Variants in FAT3 observed in about 807,000 individuals in gnomAD.
The protein encoded by FAT3 is protocadherin Fat 3.
In FAT3, 95 loss-of-function variants were observed where a neutral mutation model predicts 310.2. The observed-to-expected ratio is 0.31, with a 90% CI of 0.26 to 0.36. The LOEUF is 0.36. FAT3 is among the 10% of genes least tolerant of loss of function. The probability of loss-of-function intolerance (pLI) is 1.00; values close to 1 mark genes in which losing one functional copy is unlikely to be tolerated. For synonymous variants in FAT3, 2,314 were observed against 2,192.9 expected, an observed-to-expected ratio of 1.06 and a Z score of -1.54; for missense variants, 5,408 against 5,715.6, an observed-to-expected ratio of 0.95 and a Z score of 1.74.
intron 1 of FAT3, among the ~76,000 whole-genome samples, chr11:92,270,342 T>G (rs941481541): frequency 6.6e-6 from 1 of 152,024 alleles, no homozygotes; most frequent in African/African-American, 2.4e-5. Flanking sequence ...GTCAACATTG[T>G]TCTCTCCCAC....
intron 6 of FAT3, among the ~76,000 whole-genome samples, chr11:92,770,601 A>G (rs181825236): frequency 3.1e-4 from 47 of 152,310 alleles, no homozygotes; most frequent in African/African-American, 1.1e-3. Context: ...GAAGCTGCTC[A>G]CATAACACCT....
chr11:92,699,508 T>C (rs1944033706), intron 4 of FAT3, among the ~76,000 whole-genome samples: 2 of 152,322 alleles, frequency 1.3e-5, no homozygotes, highest in South Asian at 4.1e-4. Context: ...AAAAATTTTT[T>C]AAATGCTTGG....
chr11:92,761,767 T>C, intron 4 of FAT3, 89 bp from the exon 5 acceptor site: 1 of 1,171,274 alleles, frequency 8.5e-7, no homozygotes, highest in Non-Finnish European at 1.2e-6. Context: ...GATAGCATTG[T>C]CCGTGCATTA....
intron 1 of FAT3, among the ~76,000 whole-genome samples, chr11:92,342,195 A>G (rs924987837): frequency 2.0e-5 from 3 of 152,144 alleles, no homozygotes; most frequent in African/African-American, 7.2e-5. Flanking sequence ...ATGTCTTATC[A>G]TTTGTTACAT....
chr11:92,268,896 G>T (rs963909825), intron 1 of FAT3, among the ~76,000 whole-genome samples: 1 of 152,002 alleles, frequency 6.6e-6, no homozygotes, highest in Non-Finnish European at 1.5e-5. Flanking sequence ...GATTTTTGTT[G>T]CAGTAAAGGG....
At chr11:92,704,493 TG>T (rs753642204) in intron 4 of FAT3, among the ~76,000 whole-genome samples, 10 of 152,198 alleles carry the variant, frequency 6.6e-5, no homozygotes, top group Admixed American at 5.2e-4. Flanking sequence ...TGACTGGATT[TG>T]GAAAGAAGAG....
intron 3 of FAT3, among the ~76,000 whole-genome samples, chr11:92,632,286 A>T (rs959259793): frequency 1.4e-5 from 2 of 145,956 alleles, no homozygotes; most frequent in Admixed American, 6.9e-5. Flanking sequence ...GCAGGAAAAT[A>T]TAAAAATCTA....
At chr11:92,374,881 A>G (rs746929737) in intron 2 of FAT3, among the ~76,000 whole-genome samples, 1 of 151,894 alleles carries the variant, frequency 6.6e-6, no homozygotes, top group Non-Finnish European at 1.5e-5. Context: ...ATCCTTAAAC[A>G]TGACTTAAAA....
chr11:92,820,299 T>C (rs568971729), intron 13 of FAT3, among the ~76,000 whole-genome samples: 1 of 152,284 alleles, frequency 6.6e-6, no homozygotes, highest in African/African-American at 2.4e-5. Context: ...ACATGGCCTT[T>C]CCTAGGTGCA....
At chr11:92,422,833 T>C (rs1591267563) in intron 2 of FAT3, among the ~76,000 whole-genome samples, 1 of 152,164 alleles carries the variant, frequency 6.6e-6, no homozygotes, top group South Asian at 2.1e-4. Flanking sequence ...GCTGGCACAG[T>C]CTATCAGTAG....
At chr11:92,840,520 G>A (rs766419490) in intron 17 of FAT3, 42 bp from the exon 18 acceptor site, 24 of 1,466,046 alleles carry the variant, frequency 1.6e-5, no homozygotes, top group African/African-American at 2.8e-5. Context: ...GAAGAGAAGT[G>A]TAATTTTTAT....
intron 7 of FAT3, among the ~76,000 whole-genome samples, chr11:92,782,350 C>T (rs1418385839): frequency 1.3e-5 from 2 of 152,092 alleles, no homozygotes; most frequent in South Asian, 2.1e-4. Flanking sequence ...AATCCCAACA[C>T]TTTGGGAGGT....
chr11:92,650,035 A>G (rs1942319481), intron 3 of FAT3, among the ~76,000 whole-genome samples: 1 of 151,830 alleles, frequency 6.6e-6, no homozygotes, highest in African/African-American at 2.4e-5. Flanking sequence ...CGGTGAAGAA[A>G]AGTTTCACCT....
chr11:92,848,052 A>G (rs6483191), intron 19 of FAT3, among the ~76,000 whole-genome samples: 58,140 of 151,562 alleles, frequency 0.38, 11,291 homozygotes, highest in East Asian at 0.46. Context: ...CACTTGGTGG[A>G]ATAATTAGCA....
intron 19 of FAT3, among the ~76,000 whole-genome samples, chr11:92,854,914 T>A (rs929450876): frequency 4.6e-5 from 7 of 152,232 alleles, no homozygotes; most frequent in Admixed American, 3.9e-4. Flanking sequence ...GGAAAGGGCA[T>A]GTCCACAGAA....
intron 2 of FAT3, among the ~76,000 whole-genome samples, chr11:92,515,688 C>T (rs936350198): frequency 6.6e-6 from 1 of 152,020 alleles, no homozygotes; most frequent in Non-Finnish European, 1.5e-5. Flanking sequence ...GGGATAAATA[C>T]AGTAACTGCC....
intron 1 of FAT3, among the ~76,000 whole-genome samples, chr11:92,338,471 A>G (rs1310770337): frequency 1.3e-5 from 2 of 152,054 alleles, no homozygotes; most frequent in African/African-American, 4.8e-5. Flanking sequence ...TGATTTCACA[A>G]TGCGGGGCAG....
At chr11:92,523,059 A>G (rs1953738145) in intron 2 of FAT3, among the ~76,000 whole-genome samples, 1 of 152,130 alleles carries the variant, frequency 6.6e-6, no homozygotes, top group African/African-American at 2.4e-5. Context: ...CCTTTCCACT[A>G]TTTAGTCATC....
chr11:92,794,009 G>A (rs1292659776), intron 9 of FAT3, among the ~76,000 whole-genome samples: 1 of 151,810 alleles, frequency 6.6e-6, no homozygotes, highest in East Asian at 1.9e-4. Context: ...ATTTTACATG[G>A]GTCTGTGCTA....
Sources: allele counts gnomAD v4.1 joint callset (sites outside exome capture counted in the v4.1 genomes callset), GRCh38; gene constraint gnomAD v4.1.1; transcripts MANE v1.5; gene names NCBI Gene and HGNC (gene_info 2026-07-23, HGNC 2026-07-21).